Variants in SEC24D observed in about 807,000 individuals in gnomAD.
The protein encoded by SEC24D is SEC24 homolog D, COPII component.
SEC24D carries 69 observed loss-of-function variants against 116.9 expected under a neutral mutation model. The ratio of observed to expected loss-of-function variants is 0.59; its 90% CI spans 0.49 to 0.72. The LOEUF is 0.72. Among genes scored for constraint, SEC24D ranks in the 30% least tolerant of loss-of-function variants. The pLI, the probability that SEC24D is intolerant of heterozygous loss-of-function variation, is 0.00. For synonymous variants in SEC24D, 405 were observed against 442.8 expected (o/e 0.91, Z 1.07); for missense variants, 1,131 against 1,264.1 (o/e 0.89, Z 1.60).
In SEC24D at chr4:118,737,772, A is replaced by T. The variant is rs149755950; in HGVS notation, c.2496+489T>A. 6.3e-3 allele frequency among the ~76,000 whole-genome samples: 950 copies of T among 151,294 alleles called. 5 individuals carry two copies. The highest frequency in any genetic ancestry group is 9.9e-3 in the Non-Finnish European group (675 of 68,004). Reference sequence around the variant, plus strand: ...TTTCAAATTACTAGATGATGGAGAGAGTCAATTCTTTGAAAACTCTTCACA... The same window carrying T: ...TTTCAAATTACTAGATGATGGAGAGTGTCAATTCTTTGAAAACTCTTCACA... On this transcript the variant is annotated intron_variant, in intron 19 of 22. Transcript: ENST00000280551.
At chr4:118,813,021 A>G (rs574437293) in intron 6 of SEC24D, among the ~76,000 whole-genome samples, 1 of 152,342 alleles carries the variant, frequency 6.6e-6, no homozygotes, top group South Asian at 2.1e-4. Context: ...ATGCCCTCCA[A>G]GGGGCACGAG....
intron 8 of SEC24D, among the ~76,000 whole-genome samples, chr4:118,789,500 T>C (rs1387706517): frequency 6.6e-6 from 1 of 152,238 alleles, no homozygotes; most frequent in Non-Finnish European, 1.5e-5. Context: ...TCCCCCACAA[T>C]GGTACCCTCT....
intron 1 of SEC24D, among the ~76,000 whole-genome samples, chr4:118,834,769 A>C (rs1434841374): frequency 6.6e-6 from 1 of 152,072 alleles, no homozygotes; most frequent in African/African-American, 2.4e-5. Flanking sequence ...ATTTATCTCC[A>C]GTTTATTTGC....
rs760805608 is a variant in SEC24D, at chr4:118,805,940, C to G, written c.816G>C (p.Glu272Asp). ...DSIPSPIQVI[E>D]NDRASRGGQV... ...GTCCTCCTCTGCTGGCTCTATCATT[C>G]TCAATCACCTGGATCTGATAAATAA... Residue 272 changes from glutamate to aspartate, a missense_variant, in exon 7 of 23, where the codon GAG (glutamate) becomes GAC (aspartate). By Grantham distance (45) the Glu-to-Asp change is conservative (BLOSUM62 2). Coordinates refer to ENST00000280551, the MANE Select transcript of SEC24D (RefSeq NM_014822.4). The G allele has an allele frequency of 6.3e-7, 1 of 1,597,476 alleles. No homozygotes were observed. The highest frequency in any genetic ancestry group is 1.1e-5 in the South Asian group (1 of 87,010).
chr4:118,789,294 A>G (rs113171198), intron 8 of SEC24D, among the ~76,000 whole-genome samples: 1,526 of 152,336 alleles, frequency 0.01, 21 homozygotes, highest in African/African-American at 0.034. Context: ...GTGAGGCACT[A>G]TAAGTTCTGC....
chr4:118,756,538 G>A (rs1244658789), intron 11 of SEC24D, among the ~76,000 whole-genome samples: 1 of 152,100 alleles, frequency 6.6e-6, no homozygotes, highest in Non-Finnish European at 1.5e-5. Context: ...AGTCATATGT[G>A]CAAAGAATAC....
chr4:118,792,905 A>G (rs1044042849), intron 8 of SEC24D, among the ~76,000 whole-genome samples: 1 of 152,190 alleles, frequency 6.6e-6, no homozygotes, highest in Non-Finnish European at 1.5e-5. Context: ...AAAAAACAAA[A>G]CAAAACAAAA....
chr4:118,792,815 T>G (rs1192998145), intron 8 of SEC24D, among the ~76,000 whole-genome samples: 2 of 152,192 alleles, frequency 1.3e-5, no homozygotes, highest in Non-Finnish European at 2.9e-5. Flanking sequence ...GTTTATCTGC[T>G]GACCTTCCCT....
rs1190357187 is a variant in SEC24D at position 118,722,851 on chromosome 4, C to A, written c.*664G>T. On this transcript the variant is annotated 3_prime_UTR_variant, in exon 23 of 23. Coordinates refer to ENST00000280551, the MANE Select transcript of SEC24D (RefSeq NM_014822.4). ...GATTATACGAAGTGATTTATTGATACTGGTTAACATCCATTATATACAGGT... is the reference window on the plus strand; with the variant it reads ...GATTATACGAAGTGATTTATTGATAATGGTTAACATCCATTATATACAGGT... 6.6e-6 allele frequency: 1 copy of A among 152,498 alleles called. No homozygotes were observed. Among genetic ancestry groups the A allele is most frequent in the African/African-American group, 2.4e-5 (1 of 41,398 alleles). The allele number at this position is 152,498 out of a possible 1,614,324, so 9.4% of individuals were successfully genotyped here. A position where few individuals can be genotyped will look rare whatever the true frequency, so the allele number is the denominator to read the frequency against.
At chr4:118,755,514 A>C (rs1398696957) in intron 11 of SEC24D, among the ~76,000 whole-genome samples, 1 of 151,874 alleles carries the variant, frequency 6.6e-6, no homozygotes, top group Non-Finnish European at 1.5e-5. Flanking sequence ...TGAATAACAG[A>C]TGAAACATTC....
chr4:118,812,953 T>G (rs1192151527), intron 6 of SEC24D, among the ~76,000 whole-genome samples: 2 of 152,010 alleles, frequency 1.3e-5, no homozygotes, highest in Non-Finnish European at 2.9e-5. Context: ...CCCATCTGTA[T>G]CCTCCCCTAG....
intron 10 of SEC24D, among the ~76,000 whole-genome samples, chr4:118,761,573 TCA>T (rs1418911714): frequency 6.6e-6 from 1 of 152,254 alleles, no homozygotes; most frequent in South Asian, 2.1e-4. Flanking sequence ...TGTCCAAAAG[TCA>T]CAGACTAGTG....
chr4:118,739,380 C>T, intron 17 of SEC24D, 93 bp from the exon 18 acceptor site: 2 of 1,176,926 alleles, frequency 1.7e-6, no homozygotes, highest in Middle Eastern at 2.2e-4. Flanking sequence ...ACACTGTGTA[C>T]AGATAGATAA....
chr4:118,749,874 T>C, intron 13 of SEC24D, among the ~76,000 whole-genome samples: 1 of 152,214 alleles, frequency 6.6e-6, no homozygotes, highest in Non-Finnish European at 1.5e-5. Context: ...AGTGTCACTT[T>C]GTAAAGACAG....
intron 22 of SEC24D, among the ~76,000 whole-genome samples, chr4:118,724,645 TAAG>T: frequency 6.6e-6 from 1 of 152,348 alleles, no homozygotes. Flanking sequence ...AGTGCTGCTC[TAAG>T]AAGAAACCCA....
chr4:118,742,219 C>A (rs987025946), intron 15 of SEC24D, among the ~76,000 whole-genome samples: 1 of 152,006 alleles, frequency 6.6e-6, no homozygotes, highest in African/African-American at 2.4e-5. Flanking sequence ...CACAGAGCAC[C>A]CCCTGCCTAC....
intron 6 of SEC24D, among the ~76,000 whole-genome samples, chr4:118,813,542 T>C (rs1730009233): frequency 6.6e-6 from 1 of 152,220 alleles, no homozygotes; most frequent in Non-Finnish European, 1.5e-5. Context: ...TCTTTTCTTC[T>C]TCTTATAAGG....
intron 8 of SEC24D, among the ~76,000 whole-genome samples, chr4:118,789,996 G>C (rs1020697272): frequency 2.6e-5 from 4 of 152,172 alleles, no homozygotes; most frequent in Non-Finnish European, 4.4e-5. Context: ...CCCCATCAGA[G>C]CCTTTTTCAC....
chr4:118,764,343 A>G (rs1019080116), intron 10 of SEC24D: 6 of 154,556 alleles, frequency 3.9e-5, no homozygotes, highest in African/African-American at 1.4e-4. Context: ...TAGACAGTGT[A>G]AGGGGGATTC....
Sources: allele counts gnomAD v4.1 joint callset (sites outside exome capture counted in the v4.1 genomes callset), GRCh38; gene constraint gnomAD v4.1.1; transcripts MANE v1.5; gene names NCBI Gene and HGNC (gene_info 2026-07-23, HGNC 2026-07-21).